The following DGKI variants were observed in gnomAD, a reference collection of about 807,000 sequenced individuals.
DGKI encodes diacylglycerol kinase iota.
DGKI carries 55 observed loss-of-function variants against 147.5 expected under a neutral mutation model. The ratio of observed to expected loss-of-function variants is 0.37; its 90% confidence interval spans 0.30 to 0.47. The LOEUF (loss-of-function observed/expected upper bound fraction) is 0.47, where lower values mean the gene tolerates loss of function less well. DGKI is among the 20% of genes least tolerant of loss of function. The pLI is 1.00. For synonymous variants in DGKI, 469 were observed against 477.1 expected, an observed-to-expected ratio of 0.98 and a Z score of 0.22; for missense variants, 1,007 against 1,323.8, an observed-to-expected ratio of 0.76 and a Z score of 3.71.
rs1411804940 is a variant in DGKI, at chr7:137,385,311, A to G, written c.*5909T>C. The G allele has an allele frequency of 3.9e-5, 6 of 152,106 alleles. No individual in the cohort carries two copies. Among genetic ancestry groups the G allele is most frequent in the Non-Finnish European group, 7.4e-5 (5 of 67,990 alleles). The allele number at this position is 152,106 out of a possible 1,614,324, so 9.4% of individuals were successfully genotyped here. A position where few individuals can be genotyped will look rare whatever the true frequency, so the allele number is the denominator to read the frequency against. ...AGATATTTTTAAAATTCTCAGTTATAAAGCAAAGTTTAACAAATCAAAAAT... is the reference window on the plus strand; with the variant it reads ...AGATATTTTTAAAATTCTCAGTTATGAAGCAAAGTTTAACAAATCAAAAAT... On this transcript the variant is annotated 3_prime_UTR_variant, in exon 33 of 33. Transcript: ENST00000614521.
At chr7:137,602,192 T>C (rs1288401996) in intron 10 of DGKI, among the ~76,000 whole-genome samples, 1 of 152,200 alleles carries the variant, frequency 6.6e-6, no homozygotes, top group Non-Finnish European at 1.5e-5. Flanking sequence ...CTAGAGTAGT[T>C]TGAATTGTTG....
At chr7:137,392,757 A>G (rs145525035) in intron 32 of DGKI, among the ~76,000 whole-genome samples, 172 of 152,296 alleles carry the variant, frequency 1.1e-3, no homozygotes, top group African/African-American at 3.8e-3. Context: ...CCAGGTTCCA[A>G]ATATTCAGAG....
At chr7:137,520,268 G>C (rs1027104100) in intron 21 of DGKI, among the ~76,000 whole-genome samples, 1 of 152,006 alleles carries the variant, frequency 6.6e-6, no homozygotes, top group African/African-American at 2.4e-5. Context: ...TTTGAGATCT[G>C]TTATCTTCTT....
At chr7:137,575,847 T>C (rs187765881) in intron 17 of DGKI, among the ~76,000 whole-genome samples, 4 of 151,584 alleles carry the variant, frequency 2.6e-5, no homozygotes, top group Admixed American at 1.3e-4. Flanking sequence ...GTAAAGGCCT[T>C]TGTCTCTTGT....
intron 1 of DGKI, chr7:137,774,482 G>T (rs1363886661): frequency 1.3e-5 from 2 of 152,076 alleles, no homozygotes; most frequent in African/African-American, 2.4e-5. Flanking sequence ...CGTGAATGAG[G>T]ATAATAAAGT....
chr7:137,418,716 CT>C (rs201244538), intron 28 of DGKI, among the ~76,000 whole-genome samples: 1 of 151,960 alleles, frequency 6.6e-6, no homozygotes, highest in Non-Finnish European at 1.5e-5. Context: ...TCAGCTAACT[CT>C]TTTTTTCCAA....
intron 21 of DGKI, among the ~76,000 whole-genome samples, chr7:137,495,759 C>A (rs1415503855): frequency 6.6e-6 from 1 of 152,096 alleles, no homozygotes. Flanking sequence ...AATTCAACAT[C>A]CCTTCATGTT....
chr7:137,774,584 T>C (rs1246380227), intron 1 of DGKI: 2 of 152,158 alleles, frequency 1.3e-5, no homozygotes, highest in African/African-American at 2.4e-5. Context: ...AAAAATAAAA[T>C]TGAACTCAAC....
chr7:137,604,224 C>A (rs1263874715), intron 10 of DGKI, among the ~76,000 whole-genome samples: 2 of 152,232 alleles, frequency 1.3e-5, no homozygotes, highest in African/African-American at 2.4e-5. Flanking sequence ...TGACTTCCCT[C>A]TGCCCTCTTC....
chr7:137,845,866 C>A (rs950477591), intron 1 of DGKI, among the ~76,000 whole-genome samples: 5 of 152,078 alleles, frequency 3.3e-5, no homozygotes, highest in Non-Finnish European at 7.4e-5. Flanking sequence ...TAACCAGTGG[C>A]GCATCTACAG....
At chr7:137,412,036 T>C (rs1483350110) in intron 29 of DGKI, 134 bp downstream of exon 29, 2 of 832,466 alleles carry the variant, frequency 2.4e-6, no homozygotes, top group Non-Finnish European at 4.0e-6. Context: ...CAAAAGAACA[T>C]CCTGCCTCTT....
chr7:137,381,048 A>AT lies in DGKI; in HGVS notation c.*10171dup. The AT allele has an allele frequency of 6.6e-6, 1 of 152,220 alleles. No homozygotes were observed. The highest frequency in any genetic ancestry group is 3.4e-3 in the Middle Eastern group (1 of 294). 9.4% of individuals were successfully genotyped at this position (152,220 alleles called of 1,614,324 possible). On this transcript the variant is annotated 3_prime_UTR_variant, in exon 33 of 33. Transcript: ENST00000614521. ...ATAAACAAATGAACTACATTTCTTCATTTTTATTCTGTACATTTCCACACA... is the reference window on the plus strand; with the variant it reads ...ATAAACAAATGAACTACATTTCTTCATTTTTTATTCTGTACATTTCCACACA...
intron 28 of DGKI, among the ~76,000 whole-genome samples, chr7:137,443,325 C>T (rs1813584349): frequency 6.6e-6 from 1 of 152,042 alleles, no homozygotes. Flanking sequence ...ATACAGTGTA[C>T]TAGGGAAAAG....
intron 3 of DGKI, among the ~76,000 whole-genome samples, chr7:137,673,374 T>C (rs1325373895): frequency 6.6e-6 from 1 of 152,184 alleles, no homozygotes; most frequent in East Asian, 1.9e-4. Flanking sequence ...GAGAATCATC[T>C]GTAGATCTGG....
At chr7:137,459,968 C>T (rs531974270) in intron 27 of DGKI, among the ~76,000 whole-genome samples, 1 of 152,244 alleles carries the variant, frequency 6.6e-6, no homozygotes, top group South Asian at 2.1e-4. Context: ...TCCTAACGTA[C>T]TATGAATACT....
chr7:137,606,555 C>G (rs913392277), intron 10 of DGKI, among the ~76,000 whole-genome samples: 1 of 152,152 alleles, frequency 6.6e-6, no homozygotes. Flanking sequence ...TAGGGCCCAC[C>G]CCGACTTACT....
At chr7:137,744,109 G>C (rs890350716) in intron 1 of DGKI, among the ~76,000 whole-genome samples, 1 of 151,920 alleles carries the variant, frequency 6.6e-6, no homozygotes, top group Non-Finnish European at 1.5e-5. Flanking sequence ...CAGATAATTG[G>C]TTCTTTGAAA....
At chr7:137,494,929 G>A (rs1485947321) in intron 21 of DGKI, among the ~76,000 whole-genome samples, 1 of 151,916 alleles carries the variant, frequency 6.6e-6, no homozygotes, top group Non-Finnish European at 1.5e-5. Flanking sequence ...AAGAGACCCA[G>A]GTCACATGCG....
intron 30 of DGKI, among the ~76,000 whole-genome samples, chr7:137,403,081 G>T (rs940233299): frequency 6.6e-6 from 1 of 152,014 alleles, no homozygotes; most frequent in African/African-American, 2.4e-5. Context: ...GGGCAAACGA[G>T]GGGGGAGGGA....
Sources: allele counts gnomAD v4.1 joint callset (sites outside exome capture counted in the v4.1 genomes callset), GRCh38; gene constraint gnomAD v4.1.1; transcripts MANE v1.5; gene names NCBI Gene and HGNC (gene_info 2026-07-23, HGNC 2026-07-21).